RFX4: variants seen among roughly 807,000 people sequenced by gnomAD.
The protein encoded by RFX4 is regulatory factor X4.
RFX4 carries 10 observed loss-of-function variants against 95.0 expected under a neutral mutation model. That is an observed-to-expected ratio of 0.11 (90% CI 0.06 to 0.18). RFX4 has a LOEUF of 0.18. Ranked by LOEUF, RFX4 falls within the 10% of genes least tolerant of loss-of-function variation. The pLI is 1.00. For missense variants in RFX4, 640 were observed against 922.0 expected (o/e 0.69, Z 3.96); for synonymous variants, 321 against 340.7 (o/e 0.94, Z 0.64).
chr12:106,693,687 C>T (rs929682053), intron 7 of RFX4, among the ~76,000 whole-genome samples: 5 of 152,132 alleles, frequency 3.3e-5, no homozygotes, highest in African/African-American at 4.8e-5. Context: ...CAGGCTCAGG[C>T]CACGCTAATA....
rs2039396117 is a variant in RFX4, at chr12:106,583,056, T to G, written c.-265T>G. On this transcript the variant is annotated 5_prime_UTR_variant, in exon 1 of 18. Coordinates refer to ENST00000392842, the MANE Select transcript of RFX4 (RefSeq NM_213594.3). ...CCCGGCTGGATTACTGAGTGTCCCC[T>G]TGCTCGCTCGCTTTTTCTCTCTCCC... The G allele has an allele frequency of 1.6e-5, 7 of 430,052 alleles. No individual in the cohort carries two copies. The highest frequency in any genetic ancestry group is 2.4e-5 in the Non-Finnish European group (6 of 246,220). 26.6% of individuals were successfully genotyped at this position (430,052 alleles called of 1,614,324 possible).
rs146067198 is a variant in RFX4, at chr12:106,632,076, C to T, written c.131-7256C>T. On this transcript the variant is annotated intron_variant, in intron 2 of 17. Coordinates refer to ENST00000392842, the MANE Select transcript of RFX4 (RefSeq NM_213594.3). ...GGAACCAAAATGTTGTTCAAGGTCA[C>T]GTGGCTAATAAGTAGTGGAGCTGGG... Among the ~76,000 whole-genome samples, 1,048 of 152,260 alleles carry T rather than the reference C, an allele frequency of 6.9e-3. 9 individuals are homozygous for T. The highest frequency in any genetic ancestry group is 0.023 in the African/African-American group (938 of 41,548).
intron 15 of RFX4, among the ~76,000 whole-genome samples, chr12:106,744,898 A>G (rs1217201171): frequency 6.6e-6 from 1 of 152,196 alleles, no homozygotes; most frequent in Non-Finnish European, 1.5e-5. Flanking sequence ...AATCAAGATG[A>G]AGTCCATTGT....
At chr12:106,697,391 T>C (rs1334629025) in intron 8 of RFX4, among the ~76,000 whole-genome samples, 1 of 152,138 alleles carries the variant, frequency 6.6e-6, no homozygotes, top group Non-Finnish European at 1.5e-5. Flanking sequence ...TCTCTTGATA[T>C]GTCCAGTTTT....
At chr12:106,691,253 C>T (rs1333683433) in intron 7 of RFX4, among the ~76,000 whole-genome samples, 2 of 152,210 alleles carry the variant, frequency 1.3e-5, no homozygotes, top group African/African-American at 4.8e-5. Context: ...ATAAGACTGC[C>T]TGGTAAAAGC....
At chr12:106,602,172 A>G (rs569423827) in intron 1 of RFX4, among the ~76,000 whole-genome samples, 44 of 152,298 alleles carry the variant, frequency 2.9e-4, no homozygotes, top group African/African-American at 9.9e-4. Context: ...CTTGCAAATC[A>G]AAGTTAGTCA....
intron 17 of RFX4, among the ~76,000 whole-genome samples, chr12:106,751,160 C>T (rs949367411): frequency 2.7e-5 from 4 of 149,116 alleles, no homozygotes; most frequent in South Asian, 4.3e-4. Context: ...TTGTTCAATT[C>T]CCACCTATGA....
chr12:106,687,085 G>A lies in RFX4; in HGVS notation c.579G>A (p.Leu193=). 2 of 1,613,634 alleles carry A rather than the reference G, an allele frequency of 1.2e-6. No homozygotes were observed. The highest frequency in any genetic ancestry group is 1.7e-4 in the Middle Eastern group (1 of 5,916). The change falls in exon 6 of 18, where the codon CTG becomes CTA. Residue 193 remains leucine, a synonymous_variant. Coordinates refer to ENST00000392842, the MANE Select transcript of RFX4 (RefSeq NM_213594.3). The part of the protein sequence containing the change: ...NVKDLNLPAS[L]PEEKVSTFIM... ...AAGATCTAAATCTGCCAGCCAGCCT[G>A]CCTGAGGAGAAGGTAACTACAACTG...
chr12:106,723,084 G>A (rs2042425956), intron 13 of RFX4, among the ~76,000 whole-genome samples: 1 of 152,094 alleles, frequency 6.6e-6, no homozygotes, highest in Admixed American at 6.5e-5. Flanking sequence ...ATCCTGTAGG[G>A]GACTCTATCA....
intron 2 of RFX4, among the ~76,000 whole-genome samples, chr12:106,627,151 T>C (rs74729527): frequency 0.019 from 2,948 of 152,272 alleles, 38 homozygotes; most frequent in African/African-American, 0.032. Context: ...AGGATATCTA[T>C]AGCAAATGGT....
intron 17 of RFX4, 86 bp downstream of exon 17, chr12:106,750,879 T>A: frequency 1.6e-6 from 2 of 1,212,694 alleles, no homozygotes; most frequent in South Asian, 5.4e-5. Flanking sequence ...CTGTTATGCA[T>A]ACTGTGTGTG....
At chr12:106,690,735 A>G (rs1243228170) in intron 7 of RFX4, among the ~76,000 whole-genome samples, 1 of 152,112 alleles carries the variant, frequency 6.6e-6, no homozygotes, top group Admixed American at 6.6e-5. Context: ...TTCTGCCCAT[A>G]TTCCATGGAC....
In RFX4 at chr12:106,726,184, G is replaced by T. The variant is rs985870345; in HGVS notation, c.1351+5308G>T. On this transcript the variant is annotated intron_variant, in intron 13 of 17. Coordinates refer to ENST00000392842, the MANE Select transcript of RFX4 (RefSeq NM_213594.3). Reference sequence around the variant, plus strand: ...AATTGCTTGATCCCGGGAGGCAGAGGTTGCAGTGAGCTGAGATCGTGCCAC... The same window carrying T: ...AATTGCTTGATCCCGGGAGGCAGAGTTTGCAGTGAGCTGAGATCGTGCCAC... Among the ~76,000 whole-genome samples the T allele has an allele frequency of 3.3e-5, 5 of 151,106 alleles. No homozygotes were observed. In the East Asian group the frequency reaches 9.8e-4, roughly 30 times the overall value.
At chr12:106,608,648 C>G in intron 1 of RFX4, 149 bp from the exon 2 acceptor site, 1 of 750,474 alleles carries the variant, frequency 1.3e-6, no homozygotes, top group Non-Finnish European at 2.1e-6. Flanking sequence ...AAATCCCATT[C>G]CAATCTGGGC....
chr12:106,587,003 C>T (rs1306594475), intron 1 of RFX4, among the ~76,000 whole-genome samples: 1 of 152,214 alleles, frequency 6.6e-6, no homozygotes, highest in African/African-American at 2.4e-5. Context: ...GCGAACGGGG[C>T]ATGTGCGCCC....
intron 3 of RFX4, among the ~76,000 whole-genome samples, chr12:106,651,963 G>A (rs1216849282): frequency 4.6e-5 from 7 of 152,158 alleles, no homozygotes; most frequent in African/African-American, 1.4e-4. Flanking sequence ...GTTTGTACGC[G>A]AGCTGGTTAT....
intron 3 of RFX4, among the ~76,000 whole-genome samples, chr12:106,642,739 T>C (rs557815800): frequency 1.3e-5 from 2 of 152,288 alleles, no homozygotes; most frequent in Non-Finnish European, 2.9e-5. Context: ...GGTTGAGCAG[T>C]AAGGGCAAGT....
At chr12:106,639,528 G>T (rs2040576916) in intron 3 of RFX4, 136 bp downstream of exon 3, 5 of 802,718 alleles carry the variant, frequency 6.2e-6, no homozygotes, top group African/African-American at 3.5e-5. Context: ...TATTTAATTT[G>T]CAGTATATGT....
At chr12:106,659,132 A>G (rs571571040) in intron 4 of RFX4, among the ~76,000 whole-genome samples, 187 of 152,236 alleles carry the variant, frequency 1.2e-3, no homozygotes, top group African/African-American at 4.1e-3. Flanking sequence ...TCAATAATTT[A>G]TACTCTTTTT....
Sources: gnomAD v4.1 joint callset for allele counts (sites outside exome capture counted in the v4.1 genomes callset) on GRCh38, gnomAD v4.1.1 for gene constraint, MANE v1.5 for transcripts, NCBI Gene and HGNC (gene_info 2026-07-23, HGNC 2026-07-21) for gene names.